The following CD36 variants were observed in gnomAD, a reference collection of about 807,000 sequenced individuals.
CD36 encodes the protein platelet glycoprotein 4.
Under a neutral mutation model 55.2 loss-of-function variants are expected in CD36, and 119 were observed. The observed-to-expected ratio is 2.15, with a 90% CI of 1.86 to 2.51. CD36 has a LOEUF of 2.51. CD36 is among the 30% of genes most tolerant of loss of function. The probability of loss-of-function intolerance (pLI) is 0.00; values close to 1 mark genes in which losing one functional copy is unlikely to be tolerated. For synonymous variants in CD36, 186 were observed against 193.6 expected (o/e 0.96, Z 0.33); for missense variants, 819 against 555.5 (o/e 1.47, Z -4.77).
intron 8 of CD36, among the ~76,000 whole-genome samples, chr7:80,669,393 C>T (rs532622251): frequency 1.3e-5 from 2 of 152,150 alleles, no homozygotes; most frequent in South Asian, 4.2e-4. Context: ...ATAATGGTTA[C>T]ATGTTAAAAT....
intron 1 of CD36, among the ~76,000 whole-genome samples, chr7:80,608,770 C>G (rs1401513456): frequency 6.6e-6 from 1 of 152,136 alleles, no homozygotes; most frequent in African/African-American, 2.4e-5. Context: ...CTCCTTTTGT[C>G]TTGTTACTCA....
chr7:80,605,572 C>CA, intron 1 of CD36, among the ~76,000 whole-genome samples: 1 of 152,212 alleles, frequency 6.6e-6, no homozygotes, highest in South Asian at 2.1e-4. Context: ...GTTTCCATTG[C>CA]TTGCTCTAAG....
chr7:80,651,641 C>T (rs1003919413), intron 3 of CD36, among the ~76,000 whole-genome samples: 1 of 152,140 alleles, frequency 6.6e-6, no homozygotes, highest in Admixed American at 6.5e-5. Context: ...GGCATGGTGG[C>T]TCATGCCTAT....
At chr7:80,624,041 G>A (rs1043982689) in intron 1 of CD36, 1 of 152,154 alleles carries the variant, frequency 6.6e-6, no homozygotes, top group Non-Finnish European at 1.5e-5. Context: ...ACTAGGAGGT[G>A]GGACTGACTG....
chr7:80,673,133 T>G (rs1164915221), intron 12 of CD36: 2 of 513,742 alleles, frequency 3.9e-6, no homozygotes, highest in Non-Finnish European at 6.9e-6. Flanking sequence ...CCCCGAGAAT[T>G]TATTGAAAGG....
intron 13 of CD36, chr7:80,673,752 C>CCTTTGATAG (rs1262487709): frequency 2.9e-5 from 17 of 580,714 alleles, no homozygotes; most frequent in Non-Finnish European, 3.4e-5. Flanking sequence ...AACTGTTGAC[C>CCTTTGATAG]CTTTGATAGT....
upstream of CD36, among the ~76,000 whole-genome samples, chr7:80,637,648 C>A (rs189155168): frequency 6.8e-6 from 1 of 147,932 alleles, no homozygotes; most frequent in East Asian, 1.9e-4. Flanking sequence ...AAGGACAGCA[C>A]GAGCATTCTA....
intron 1 of CD36, among the ~76,000 whole-genome samples, chr7:80,629,867 TTGTC>T (rs1008537696): frequency 6.7e-5 from 10 of 150,012 alleles, no homozygotes; most frequent in African/African-American, 2.4e-4. Flanking sequence ...TTCACCTAGA[TTGTC>T]TGGAGACTGA....
chr7:80,654,045 T>C (rs1795824906), intron 3 of CD36, among the ~76,000 whole-genome samples: 1 of 152,184 alleles, frequency 6.6e-6, no homozygotes, highest in South Asian at 2.1e-4. Flanking sequence ...ATTCTAACAG[T>C]TGATAATTCA....
At position 80,651,832 on chromosome 7, in the gene CD36, C is replaced by T. The variant is rs544016391; in HGVS notation, c.121-4708C>T. Among the ~76,000 whole-genome samples the T allele has an allele frequency of 1.8e-4, 28 of 152,136 alleles. No individual in the cohort carries two copies. In the South Asian group the frequency reaches 5.0e-3, roughly 27 times the overall value. ...GCTGAAGTGGGAGGATCCCTTGAGC[C>T]CAGGAGGTTGAGGCTGCAGTGAGCT... On this transcript the variant is annotated intron_variant, in intron 3 of 14. Coordinates refer to ENST00000447544, the MANE Select transcript of CD36 (RefSeq NM_001001548.3).
At chr7:80,605,088 G>A (rs537795505) in intron 1 of CD36, among the ~76,000 whole-genome samples, 3 of 152,200 alleles carry the variant, frequency 2.0e-5, no homozygotes, top group East Asian at 1.9e-4. Flanking sequence ...AGAACCCAAA[G>A]CATCCTGTCT....
intron 1 of CD36, among the ~76,000 whole-genome samples, chr7:80,620,056 G>T (rs1435492524): frequency 6.6e-6 from 1 of 152,106 alleles, no homozygotes; most frequent in Non-Finnish European, 1.5e-5. Flanking sequence ...TCCTGGTGAA[G>T]ATGCTATGAA....
chr7:80,612,230 C>T (rs188462584), intron 1 of CD36, among the ~76,000 whole-genome samples: 1 of 152,284 alleles, frequency 6.6e-6, no homozygotes, highest in East Asian at 1.9e-4. Flanking sequence ...CTATAATATG[C>T]TCAATACACT....
At position 80,656,587 on chromosome 7, in the gene CD36, A is replaced by C; in HGVS notation, c.168A>C (p.Lys56Asn). 1 of 1,613,842 alleles carries C rather than the reference A, an allele frequency of 6.2e-7. No individual in the cohort carries two copies. Among genetic ancestry groups the C allele is most frequent in the Non-Finnish European group, 8.5e-7 (1 of 1,179,812 alleles). ...EGTIAFKNWV[K>N]TGTEVYRQFW... is the part of the protein sequence containing the mutation. ...CAATTGCTTTTAAAAATTGGGTTAA[A>C]ACAGGCACAGAAGTTTACAGACAGT... The change falls in exon 4 of 15, where the codon AAA becomes AAC. Residue 56 changes from lysine (K) to asparagine (N), a missense_variant. Transcript: ENST00000447544.
intron 4 of CD36, among the ~76,000 whole-genome samples, chr7:80,657,684 G>A (rs1232472895): frequency 6.6e-6 from 1 of 152,094 alleles, no homozygotes; most frequent in Admixed American, 6.6e-5. Context: ...AAAAAAGGGG[G>A]AGATTGAGGT....
intron 7 of CD36, among the ~76,000 whole-genome samples, chr7:80,665,699 C>G (rs192362573): frequency 1.3e-5 from 2 of 152,204 alleles, no homozygotes; most frequent in East Asian, 3.9e-4. Context: ...TGATTTAACT[C>G]ATGGCAAGAC....
chr7:80,625,339 C>T (rs1793684537), intron 1 of CD36, among the ~76,000 whole-genome samples: 1 of 152,076 alleles, frequency 6.6e-6, no homozygotes, highest in South Asian at 2.1e-4. Flanking sequence ...TATTGTGATA[C>T]ATTGTTCTAT....
intron 3 of CD36, among the ~76,000 whole-genome samples, chr7:80,652,611 T>G (rs1413829625): frequency 3.3e-5 from 5 of 152,214 alleles, no homozygotes; most frequent in South Asian, 2.1e-4. Flanking sequence ...AGGATGGAAG[T>G]ATGCTTCTGG....
At chr7:80,631,262 T>C (rs1169001094) in intron 1 of CD36, among the ~76,000 whole-genome samples, 2 of 152,034 alleles carry the variant, frequency 1.3e-5, no homozygotes, top group Admixed American at 1.3e-4. Flanking sequence ...CTTCGTTGTT[T>C]GCTGGAGAAC....
Sources: gnomAD v4.1 joint callset for allele counts (sites outside exome capture counted in the v4.1 genomes callset) on GRCh38, gnomAD v4.1.1 for gene constraint, MANE v1.5 for transcripts, NCBI Gene and HGNC (gene_info 2026-07-23, HGNC 2026-07-21) for gene names.